SEZ6L: variants seen among roughly 807,000 people sequenced by gnomAD.
The protein encoded by SEZ6L is seizure 6-like protein.
A neutral mutation model predicts 106.2 loss-of-function variants in SEZ6L; 37 were observed. The observed-to-expected ratio is 0.35, with a 90% confidence interval of 0.27 to 0.46. The LOEUF is 0.46. Among genes scored for constraint, SEZ6L ranks in the 20% least tolerant of loss-of-function variants. SEZ6L has a pLI of 1.00. For synonymous variants in SEZ6L, 541 were observed against 570.4 expected (o/e 0.95, Z 0.73); for missense variants, 1,172 against 1,332.8 (o/e 0.88, Z 1.88).
chr22:26,350,655 CTTTT>C (rs1181293548), intron 11 of SEZ6L, among the ~76,000 whole-genome samples: 1 of 130,410 alleles, frequency 7.7e-6, no homozygotes, highest in Admixed American at 7.7e-5. Flanking sequence ...AGTTAGGAAA[CTTTT>C]TTTTTTTTTT....
intron 11 of SEZ6L, among the ~76,000 whole-genome samples, chr22:26,348,697 A>AG (rs1569473830): frequency 2.9e-4 from 27 of 92,638 alleles, no homozygotes; most frequent in South Asian, 5.0e-4. Flanking sequence ...AAAGAAAGAA[A>AG]GAAAGAAGGC....
At chr22:26,185,628 C>A (rs1040648358) in intron 1 of SEZ6L, among the ~76,000 whole-genome samples, 1 of 152,114 alleles carries the variant, frequency 6.6e-6, no homozygotes, top group South Asian at 2.1e-4. Context: ...ATGATTCGAC[C>A]CCCAAGCCAT....
Position 26,169,772 on chromosome 22 carries a change from C to T in SEZ6L, c.94+9C>T. On this transcript the variant is annotated intron_variant, in intron 1 of 16. Transcript: ENST00000248933. ...GGCAGCGCTGGAGCGAGGTAAGCGC[C>T]CCGAGGGGCGGGGCGGGCAGGGGGC... The T allele has an allele frequency of 2.4e-6, 3 of 1,240,544 alleles. No homozygotes were observed. The highest frequency in any genetic ancestry group is 3.4e-5 in the South Asian group (1 of 29,594). The allele number at this position is 1,240,544 out of a possible 1,614,324, so 76.8% of individuals were successfully genotyped here.
rs2084444653 is a variant in SEZ6L, at chr22:26,382,628, C to A, written c.*2333C>A. 1 of 152,062 alleles carries A rather than the reference C, an allele frequency of 6.6e-6. No individual in the cohort carries two copies. The highest frequency in any genetic ancestry group is 1.5e-5 in the Non-Finnish European group (1 of 68,086). 9.4% of individuals were successfully genotyped at this position (152,062 alleles called of 1,614,324 possible). ...CCGTGTTTTAAAAGTTTGTTTTAGC[C>A]TAGAGACAGATCATACGAGTTCAAC... On this transcript the variant is annotated 3_prime_UTR_variant, in exon 17 of 17. Coordinates refer to ENST00000248933, the MANE Select transcript of SEZ6L (RefSeq NM_021115.5).
At chr22:26,221,974 A>G (rs1467840647) in intron 1 of SEZ6L, among the ~76,000 whole-genome samples, 13 of 152,236 alleles carry the variant, frequency 8.5e-5, no homozygotes, top group Admixed American at 6.5e-4. Flanking sequence ...CATGTTGTCA[A>G]CAAGCTTGTG....
intron 9 of SEZ6L, among the ~76,000 whole-genome samples, chr22:26,328,265 C>T (rs560267865): frequency 3.9e-5 from 6 of 152,308 alleles, no homozygotes; most frequent in South Asian, 2.1e-4. Context: ...TTTGTTGCCA[C>T]GCCGCCCTTG....
At position 26,208,555 on chromosome 22, in the gene SEZ6L, G is replaced by A. The variant is rs557158671; in HGVS notation, c.94+38792G>A. 2.6e-5 allele frequency among the ~76,000 whole-genome samples: 4 copies of A among 152,136 alleles called. No homozygotes were observed. In the South Asian group the frequency reaches 8.3e-4, roughly 32 times the overall value. ...TAATTTATGATGAGAAATCTATGAG[G>A]TTTCAACTTATCATGCATATGCATA... On this transcript the variant is annotated intron_variant, in intron 1 of 16. Transcript: ENST00000248933.
intron 10 of SEZ6L, 144 bp downstream of exon 10, chr22:26,340,776 C>T (rs1312349626): frequency 2.8e-6 from 2 of 705,648 alleles, no homozygotes; most frequent in African/African-American, 3.6e-5. Context: ...TTTTTAAAAG[C>T]CTGGGCTCTC....
intron 9 of SEZ6L, among the ~76,000 whole-genome samples, chr22:26,333,185 A>T (rs1308413840): frequency 6.6e-6 from 1 of 152,216 alleles, no homozygotes; most frequent in Non-Finnish European, 1.5e-5. Context: ...GGGGCTGCAG[A>T]ATGTGCCCAG....
intron 1 of SEZ6L, among the ~76,000 whole-genome samples, chr22:26,188,974 A>G (rs1410646789): frequency 6.6e-6 from 1 of 152,214 alleles, no homozygotes; most frequent in Non-Finnish European, 1.5e-5. Context: ...CCTTACACTT[A>G]AGAGGAATTT....
chr22:26,243,222 G>A (rs1232261136), intron 1 of SEZ6L, among the ~76,000 whole-genome samples: 1 of 152,116 alleles, frequency 6.6e-6, no homozygotes, highest in East Asian at 1.9e-4. Context: ...AGGTACAGGG[G>A]GTTAGGATTT....
intron 1 of SEZ6L, among the ~76,000 whole-genome samples, chr22:26,203,047 G>A (rs1419616066): frequency 7.2e-5 from 11 of 152,212 alleles, no homozygotes; most frequent in Admixed American, 7.2e-4. Flanking sequence ...AATTCCTAGA[G>A]TTGCTTTGGT....
intron 15 of SEZ6L, among the ~76,000 whole-genome samples, chr22:26,377,096 G>A: frequency 6.6e-6 from 1 of 151,976 alleles, no homozygotes; most frequent in African/African-American, 2.4e-5. Context: ...CTTGGGCAAT[G>A]GGCAATATAG....
chr22:26,212,891 T>C (rs1464336968), intron 1 of SEZ6L, among the ~76,000 whole-genome samples: 6 of 152,144 alleles, frequency 3.9e-5, no homozygotes, highest in African/African-American at 9.7e-5. Flanking sequence ...AGTGAGAGGA[T>C]GGACCTCAGC....
chr22:26,351,286 A>G, intron 12 of SEZ6L, 43 bp downstream of exon 12: 1 of 1,574,868 alleles, frequency 6.3e-7, no homozygotes. Flanking sequence ...AGGTAGAAGC[A>G]GATTCACTTT....
chr22:26,356,413 G>A (rs903820273), intron 12 of SEZ6L, among the ~76,000 whole-genome samples: 11 of 151,944 alleles, frequency 7.2e-5, no homozygotes, highest in Non-Finnish European at 1.5e-4. Context: ...AGGCTGAGGC[G>A]GGCAGATTAC....
At chr22:26,237,489 A>G (rs2078989340) in intron 1 of SEZ6L, among the ~76,000 whole-genome samples, 1 of 152,226 alleles carries the variant, frequency 6.6e-6, no homozygotes, top group Admixed American at 6.5e-5. Flanking sequence ...TTCTTCATCT[A>G]TAAGATGGGT....
chr22:26,287,534 C>T (rs1414043080), intron 1 of SEZ6L, among the ~76,000 whole-genome samples: 1 of 152,096 alleles, frequency 6.6e-6, no homozygotes, highest in East Asian at 1.9e-4. Flanking sequence ...GGTCATCGGA[C>T]ACCAAGAAAA....
intron 1 of SEZ6L, among the ~76,000 whole-genome samples, chr22:26,208,738 C>A (rs2145695140): frequency 6.6e-6 from 1 of 152,040 alleles, no homozygotes; most frequent in East Asian, 1.9e-4. Context: ...TTGGCTAACT[C>A]CTTGATTCTG....
Sources: allele counts gnomAD v4.1 joint callset (sites outside exome capture counted in the v4.1 genomes callset), GRCh38; gene constraint gnomAD v4.1.1; transcripts MANE v1.5; gene names NCBI Gene and HGNC (gene_info 2026-07-23, HGNC 2026-07-21).